Variants in TDRD12 observed in about 807,000 individuals in gnomAD.
The protein encoded by TDRD12 is tudor domain containing 12.
Under a neutral mutation model 133.5 loss-of-function variants are expected in TDRD12, and 158 were observed. The observed-to-expected ratio is 1.18, with a 90% CI of 1.04 to 1.35. The LOEUF is 1.35. Ranked by LOEUF, TDRD12 falls within the 40% of genes most tolerant of loss-of-function variation. The probability of loss-of-function intolerance (pLI) is 0.00; values close to 1 mark genes in which losing one functional copy is unlikely to be tolerated. For missense variants in TDRD12, 1,443 were observed against 1,321.3 expected (o/e 1.09, Z -1.43); for synonymous variants, 460 against 477.9 (o/e 0.96, Z 0.49).
intron 1 of TDRD12, among the ~76,000 whole-genome samples, chr19:32,720,728 A>C (rs1599812750): frequency 3.3e-5 from 1 of 30,220 alleles, no homozygotes; most frequent in Non-Finnish European, 5.9e-5. Flanking sequence ...AGCCCCACAC[A>C]CCCCACCACC....
intron 11 of TDRD12, among the ~76,000 whole-genome samples, chr19:32,783,985 A>G (rs919264854): frequency 1.3e-5 from 2 of 150,828 alleles, no homozygotes; most frequent in African/African-American, 4.8e-5. Flanking sequence ...CTGGCCAGAT[A>G]CTGCCCTTTC....
At chr19:32,777,267 A>T (rs902028256) in intron 11 of TDRD12, 38 bp downstream of exon 11, 34 of 1,175,560 alleles carry the variant, frequency 2.9e-5, no homozygotes, top group Non-Finnish European at 3.7e-5. Flanking sequence ...GTGTATTGAA[A>T]TAATTATAAT....
At chr19:32,812,028 A>C (rs1275578579) in intron 24 of TDRD12, among the ~76,000 whole-genome samples, 1 of 152,220 alleles carries the variant, frequency 6.6e-6, no homozygotes, top group Non-Finnish European at 1.5e-5. Context: ...AAAGCTGCCA[A>C]AGGAAGGGTC....
rs1413739596 is a variant in TDRD12 at position 32,801,884 on chromosome 19, TAATTTCTACTTC to T, written c.2197+12_2197+23del. The T allele has an allele frequency of 1.8e-5, 18 of 1,026,002 alleles. No homozygotes were observed. The highest frequency in any genetic ancestry group is 2.5e-5 in the Non-Finnish European group (18 of 718,352). 63.6% of individuals were successfully genotyped at this position (1,026,002 alleles called of 1,614,324 possible). On this transcript the variant is annotated intron_variant, in intron 19 of 27. Transcript: ENST00000444215. ...CTCAAATTATATTAGGTAAGTGTTT[TAATTTCTACTTC>T]TATTTAGTGAAGGTTGAGCTACTAG...
At chr19:32,744,392 C>T (rs1216849573) in intron 4 of TDRD12, among the ~76,000 whole-genome samples, 3 of 144,800 alleles carry the variant, frequency 2.1e-5, no homozygotes, top group South Asian at 2.2e-4. Context: ...CCCAGCTACT[C>T]GGGAGACTGA....
At chr19:32,785,311 T>C (rs1970875317) in intron 11 of TDRD12, among the ~76,000 whole-genome samples, 1 of 152,256 alleles carries the variant, frequency 6.6e-6, no homozygotes, top group African/African-American at 2.4e-5. Flanking sequence ...TTGATTGCAC[T>C]CTGGTCTGAG....
intron 8 of TDRD12, among the ~76,000 whole-genome samples, chr19:32,760,788 C>T (rs1474654095): frequency 6.6e-6 from 1 of 152,184 alleles, no homozygotes; most frequent in Non-Finnish European, 1.5e-5. Context: ...GAAACAAAGT[C>T]TGTGCTTCCA....
chr19:32,749,700 A>C, intron 5 of TDRD12, 84 bp from the exon 6 acceptor site: 1 of 1,059,388 alleles, frequency 9.4e-7, no homozygotes. Flanking sequence ...TGGTTAGCAG[A>C]GGTTACTAGG....
At chr19:32,821,124 G>C (rs781552082) in exon 28 of TDRD12, 10 of 1,536,022 alleles carry the variant, frequency 6.5e-6, no homozygotes, top group Non-Finnish European at 8.7e-6. Flanking sequence ...GACGAGCTCA[G>C]AAAACCAGAA....
At position 32,747,811 on chromosome 19, in the gene TDRD12, C is replaced by T. The variant is rs1006442466; in HGVS notation, c.441-665C>T. On this transcript the variant is annotated intron_variant, in intron 4 of 27. Coordinates refer to ENST00000444215, the Ensembl canonical transcript of TDRD12. Reference sequence around the variant, plus strand: ...ATCACTTGAGCCCAGGAGTTTGAGACCAGCCTGAGCAACATAGCTAGACCC... The same window carrying T: ...ATCACTTGAGCCCAGGAGTTTGAGATCAGCCTGAGCAACATAGCTAGACCC... 2.0e-5 allele frequency among the ~76,000 whole-genome samples: 3 copies of T among 152,016 alleles called. No individual in the cohort carries two copies. In the South Asian group the frequency reaches 6.2e-4, roughly 32 times the overall value.
intron 14 of TDRD12, among the ~76,000 whole-genome samples, chr19:32,797,178 ACCATATT>A (rs138207562): frequency 0.11 from 16,185 of 151,828 alleles, 1,073 homozygotes; most frequent in Middle Eastern, 0.17. Flanking sequence ...ATGGGGTTTC[ACCATATT>A]GGTCAGGCTG....
exon 10 of TDRD12, chr19:32,828,378 G>A (rs980207944): frequency 1.3e-5 from 2 of 151,784 alleles, no homozygotes; most frequent in African/African-American, 4.9e-5. Context: ...CTGCATTGTG[G>A]CTGCAGCACT....
intron 13 of TDRD12, among the ~76,000 whole-genome samples, chr19:32,792,274 A>G (rs1971095163): frequency 6.6e-6 from 1 of 152,176 alleles, no homozygotes; most frequent in Non-Finnish European, 1.5e-5. Context: ...ACAAACTCTC[A>G]AGGAAACAAA....
intron 16 of TDRD12, among the ~76,000 whole-genome samples, chr19:32,799,728 C>CTTTTTTTTTTTTT (rs71176153): frequency 1.3e-5 from 1 of 78,434 alleles, no homozygotes; most frequent in Non-Finnish European, 2.3e-5. Flanking sequence ...TAGTTTTTGC[C>CTTTTTTTTTTTTT]TTTTTTTTTT....
intron 10 of TDRD12, 80 bp downstream of exon 10, chr19:32,773,612 C>A: frequency 1.6e-6 from 2 of 1,289,352 alleles, no homozygotes; most frequent in South Asian, 1.3e-5. Context: ...CTGGGGGGAT[C>A]GCTTAAGCCC....
intron 3 of TDRD12, among the ~76,000 whole-genome samples, chr19:32,739,571 G>C (rs1450981333): frequency 2.1e-5 from 3 of 145,562 alleles, no homozygotes; most frequent in Admixed American, 2.1e-4. Flanking sequence ...TGCATCTCCT[G>C]GCTGCTGTCT....
exon 14 of TDRD12, chr19:32,794,721 C>T (rs1009975513): frequency 2.8e-6 from 2 of 703,232 alleles, no homozygotes; most frequent in East Asian, 5.4e-5. Flanking sequence ...TGTCATTTCT[C>T]ACTGTGAAAG....
exon 1 of TDRD12, chr19:32,720,083 T>C (rs1968573570): frequency 1.9e-6 from 3 of 1,548,096 alleles, no homozygotes; most frequent in Non-Finnish European, 2.6e-6. Flanking sequence ...ATGCTCCAGC[T>C]CCTGGTGCTG....
chr19:32,800,691 A>G (rs1348819720), exon 18 of TDRD12: 7 of 1,535,588 alleles, frequency 4.6e-6, no homozygotes, highest in Non-Finnish European at 5.2e-6. Context: ...CTTTACTCCA[A>G]GCTCTTGATT....
Sources: allele counts gnomAD v4.1 joint callset (sites outside exome capture counted in the v4.1 genomes callset), GRCh38; gene constraint gnomAD v4.1.1; transcripts MANE v1.5; gene names NCBI Gene and HGNC (gene_info 2026-07-23, HGNC 2026-07-21).